Variants in ITGB4 observed in about 807,000 individuals in gnomAD.
The protein encoded by ITGB4 is integrin beta-4.
ITGB4 carries 159 observed loss-of-function variants against 207.6 expected under a neutral mutation model. That is an observed-to-expected ratio of 0.77 (90% CI 0.67 to 0.87). The LOEUF is 0.87. ITGB4 is among the 40% of genes least tolerant of loss of function. The probability of loss-of-function intolerance (pLI) is 0.00; values close to 1 mark genes in which losing one functional copy is unlikely to be tolerated. For missense variants in ITGB4, 2,278 were observed against 2,546.8 expected (o/e 0.89, Z 2.27); for synonymous variants, 1,020 against 1,062.7 (o/e 0.96, Z 0.78).
intron 32 of ITGB4, 63 bp downstream of exon 32, chr17:75,752,640 TGGGTCCAGAGAG>T: frequency 6.2e-7 from 1 of 1,604,424 alleles, no homozygotes; most frequent in Admixed American, 1.7e-5. Flanking sequence ...GTGAGTCCAC[TGGGTCCAGAGAG>T]GGCAAAGGGG....
At position 75,754,674 on chromosome 17, in the gene ITGB4, C is replaced by T. The variant is rs138478973; in HGVS notation, c.4417C>T (p.Leu1473=). 5.7e-4 allele frequency: 923 copies of T among 1,614,108 alleles called. 4 individuals carry two copies. The African/African-American group carries it at 0.011, about 19-fold the overall frequency. Residue 1473 remains leucine, a synonymous_variant, in exon 34 of 40, where the codon CTG becomes TTG. Coordinates refer to ENST00000200181, the MANE Select transcript of ITGB4 (RefSeq NM_000213.5). ...CAGTGCTGCTGCCTATGGCACCCACCTGAGCCCACACGTGCCCCACCGCGT... is the reference window on the plus strand; with the variant it reads ...CAGTGCTGCTGCCTATGGCACCCACTTGAGCCCACACGTGCCCCACCGCGT... ...TTSAAAYGTH[L]SPHVPHRVLS... is the part of the protein sequence containing the mutation.
At chr17:75,755,941 C>A in intron 35 of ITGB4, 91 bp downstream of exon 35, 1 of 1,467,652 alleles carries the variant, frequency 6.8e-7, no homozygotes, top group Non-Finnish European at 9.2e-7. Context: ...GTGTCAGGAA[C>A]CCACCCAAGT....
chr17:75,753,965 C>T lies in ITGB4; in HGVS notation c.4309C>T (p.Pro1437Ser), dbSNP rs2061428627. 2 of 1,258,718 alleles carry T rather than the reference C, an allele frequency of 1.6e-6. No individual in the cohort carries two copies. Among genetic ancestry groups the T allele is most frequent in the African/African-American group, 1.6e-5 (1 of 63,964 alleles). 78.0% of individuals were successfully genotyped at this position (1,258,718 alleles called of 1,614,324 possible). The change falls in exon 33 of 40, where the codon CCC (proline) becomes TCC (serine). Residue 1437 changes from proline to serine, a missense_variant. Pro to Ser is a moderately conservative substitution (Grantham distance 74, BLOSUM62 -1). Coordinates refer to ENST00000200181, the MANE Select transcript of ITGB4 (RefSeq NM_000213.5). ...CCTGCCCCGCAGTGCGACACCCGGG[C>T]CCCCCGGAGGTGACAGGCTCACCCG... ...GSLPRSATPG[P>S]PGEHLVNGRM...
rs571682079 is a variant in ITGB4 at position 75,727,570 on chromosome 17, T to C, written c.264+65T>C. The C allele has an allele frequency of 6.3e-7, 1 of 1,591,802 alleles. No individual in the cohort carries two copies. Among genetic ancestry groups the C allele is most frequent in the African/African-American group, 1.3e-5 (1 of 74,604 alleles). On this transcript the variant is annotated intron_variant, in intron 4 of 39. Transcript: ENST00000200181. The surrounding 1 kb of genome is among the most constrained non-coding windows in gnomAD (Gnocchi z 6.0). ...CAGCCTGGCTATTTATGGGGGTGTATAGTGCCCCTTGGCCGGGCTGGGCCC... is the reference window on the plus strand; with the variant it reads ...CAGCCTGGCTATTTATGGGGGTGTACAGTGCCCCTTGGCCGGGCTGGGCCC...
chr17:75,741,084 C>A, intron 23 of ITGB4, 79 bp downstream of exon 23: 2 of 1,494,920 alleles, frequency 1.3e-6, no homozygotes, highest in East Asian at 2.3e-5. Context: ...CTCGTCCGTC[C>A]CTACTCCATC....
At chr17:75,726,456 G>A (rs1385833701) in intron 2 of ITGB4, among the ~76,000 whole-genome samples, 3 of 150,546 alleles carry the variant, frequency 2.0e-5, no homozygotes, top group African/African-American at 7.4e-5. Context: ...TGCAGGTTGG[G>A]CACAGTAGCT....
intron 27 of ITGB4, among the ~76,000 whole-genome samples, chr17:75,749,452 CA>C (rs1273240918): frequency 3.3e-5 from 5 of 152,118 alleles, no homozygotes; most frequent in African/African-American, 9.7e-5. Flanking sequence ...CACTTGAGCC[CA>C]GGGGGTCTGG....
At position 75,739,702 on chromosome 17, in the gene ITGB4, C is replaced by A. The variant is rs770592052; in HGVS notation, c.2251C>A (p.Arg751=). 1 of 1,614,014 alleles carries A rather than the reference C, an allele frequency of 6.2e-7. No homozygotes were observed. The highest frequency in any genetic ancestry group is 8.5e-7 in the Non-Finnish European group (1 of 1,180,038). The change falls in exon 19 of 40, where the codon CGA becomes AGA. Residue 751 remains arginine (R), a synonymous_variant. Transcript: ENST00000200181. This position sits in a 1 kb window ranked among gnomAD's most constrained non-coding sequence, Gnocchi z 5.4. ...CCTGGCACTTCTCCCGTGCTGCAAC[C>A]GAGGTATGGGCCTGGCATCGCAGGG... is the stretch of plus-strand genomic sequence containing the variant. ...ACLALLPCCN[R]GHMVGFKEDH... is the part of the protein sequence containing the mutation.
At chr17:75,743,499 C>T (rs1351219262) in intron 25 of ITGB4, among the ~76,000 whole-genome samples, 1 of 152,230 alleles carries the variant, frequency 6.6e-6, no homozygotes, top group African/African-American at 2.4e-5. Context: ...TCCCAAAGTG[C>T]TGGGATTACA....
Position 75,736,067 on chromosome 17 carries a change from C to T in ITGB4, c.1674C>T (p.Ser558=), listed in dbSNP as rs970150198. Residue 558 remains serine, a synonymous_variant, in exon 14 of 40, where the codon TCC becomes TCT. Transcript: ENST00000200181. ...GFLCNDRGRC[S]MGQCVCEPGW... is the part of the protein sequence containing the mutation. The stretch of plus-strand genomic sequence containing the variant: ...TCTCTGCAGACCGAGGACGCTGCTC[C>T]ATGGGCCAGTGTGTGTGTGAGCCTG... The T allele has an allele frequency of 1.9e-6, 3 of 1,614,004 alleles. No individual in the cohort carries two copies. The highest frequency in any genetic ancestry group is 2.5e-6 in the Non-Finnish European group (3 of 1,180,030).
rs1041139091 is a variant in ITGB4, at chr17:75,722,110, C to A, written c.-11+498C>A. 6.6e-6 allele frequency among the ~76,000 whole-genome samples: 1 copy of A among 152,216 alleles called. No individual in the cohort carries two copies. The highest frequency in any genetic ancestry group is 1.5e-5 in the Non-Finnish European group (1 of 68,028). On this transcript the variant is annotated intron_variant, in intron 1 of 39. Transcript: ENST00000200181. This position sits in a 1 kb window ranked among gnomAD's most constrained non-coding sequence, Gnocchi z 6.2. ...GCAGGGCTTGCTCTATGCGGTGCCA[C>A]AGTCCATCTGGGGCTGGGGAGTCCC... is the stretch of plus-strand genomic sequence containing the variant.
rs2061081162 is a variant in ITGB4 at position 75,740,425 on chromosome 17, G to A, written c.2514G>A (p.Arg838=). Reference sequence around the variant, plus strand: ...AGAACCTGCTGAAGCCTGACACTCGGGAGTGCGCCCAGCTGCGCCAGGAGG... The same window carrying A: ...AGAACCTGCTGAAGCCTGACACTCGAGAGTGCGCCCAGCTGCGCCAGGAGG... ...CTENLLKPDT[R]ECAQLRQEVE... Residue 838 remains arginine, a synonymous_variant, in exon 21 of 40, where the codon CGG becomes CGA. Transcript: ENST00000200181. This position sits in a 1 kb window ranked among gnomAD's most constrained non-coding sequence, Gnocchi z 5.9. The A allele has an allele frequency of 6.2e-7, 1 of 1,613,952 alleles. No homozygotes were observed. The highest frequency in any genetic ancestry group is 8.5e-7 in the Non-Finnish European group (1 of 1,180,022).
At chr17:75,723,554 G>T (rs2060658616) in intron 1 of ITGB4, among the ~76,000 whole-genome samples, 2 of 152,242 alleles carry the variant, frequency 1.3e-5, no homozygotes, top group South Asian at 4.1e-4. Flanking sequence ...CCCAGTCCCT[G>T]TGCCACAACA....
In ITGB4 at chr17:75,757,291, C is replaced by T. The variant is rs771274592; in HGVS notation, c.5310C>T (p.Ala1770=). The T allele has an allele frequency of 1.2e-5, 19 of 1,612,188 alleles. No individual in the cohort carries two copies. The highest frequency in any genetic ancestry group is 1.6e-4 in the Middle Eastern group (1 of 6,062). ...YSSITTTHTS[A]TEPFLVDGLT... ...GCATCACCACCACCCACACCAGCGCCACCGAGCCCTTCCTAGTGGGTGAGC... is the reference window on the plus strand; with the variant it reads ...GCATCACCACCACCCACACCAGCGCTACCGAGCCCTTCCTAGTGGGTGAGC... Residue 1770 remains alanine (A), a synonymous_variant, in exon 39 of 40, where the codon GCC becomes GCT. Transcript: ENST00000200181.
At chr17:75,754,313 C>G (rs905935515) in intron 33 of ITGB4, among the ~76,000 whole-genome samples, 1 of 152,270 alleles carries the variant, frequency 6.6e-6, no homozygotes, top group African/African-American at 2.4e-5. Flanking sequence ...GCAGACGCAG[C>G]AAACCCCCGC....
At chr17:75,748,684 A>G (rs895876324) in intron 26 of ITGB4, among the ~76,000 whole-genome samples, 157 bp from the exon 27 acceptor site, 1 of 151,720 alleles carries the variant, frequency 6.6e-6, no homozygotes, top group Non-Finnish European at 1.5e-5. Context: ...AAAAAAACAA[A>G]CAAAAAAAAC....
chr17:75,754,368 AGAG>A, intron 33 of ITGB4: 1 of 625,042 alleles, frequency 1.6e-6, no homozygotes, highest in Non-Finnish European at 2.8e-6. Flanking sequence ...GTGGCCGGCC[AGAG>A]GATATGGGCT....
chr17:75,737,480 G>C, intron 17 of ITGB4, 36 bp downstream of exon 17: 1 of 1,553,582 alleles, frequency 6.4e-7, no homozygotes, highest in South Asian at 1.2e-5. Context: ...GAGGGGGCGT[G>C]TGGCCAGAGC....
rs1308573627 is a variant in ITGB4, at chr17:75,754,656, G to C, written c.4399G>C (p.Ala1467Pro). ...GCACAGGATGACCACGACCAGTGCT[G>C]CTGCCTATGGCACCCACCTGAGCCC... ...SLHRMTTTSA[A>P]AYGTHLSPHV... The change falls in exon 34 of 40, where the codon GCT (alanine) becomes CCT (proline). Residue 1467 changes from alanine (A) to proline (P), a missense_variant. Ala to Pro is a conservative substitution (Grantham distance 27). Transcript: ENST00000200181. 5.0e-6 allele frequency: 8 copies of C among 1,613,878 alleles called. No individual in the cohort carries two copies. Among genetic ancestry groups the C allele is most frequent in the Non-Finnish European group, 5.9e-6 (7 of 1,179,996 alleles).
Sources: allele counts gnomAD v4.1 joint callset (sites outside exome capture counted in the v4.1 genomes callset), GRCh38; gene constraint gnomAD v4.1.1; non-coding constraint Gnocchi (gnomAD v3.1); transcripts MANE v1.5; gene names NCBI Gene and HGNC (gene_info 2026-07-23, HGNC 2026-07-21).